KLHDC8A: variants seen among roughly 807,000 people sequenced by gnomAD.
KLHDC8A encodes the protein kelch domain-containing protein 8A.
In KLHDC8A, 21 loss-of-function variants were observed where a neutral mutation model predicts 33.1. The observed-to-expected ratio is 0.64, with a 90% CI of 0.45 to 0.91. The LOEUF (loss-of-function observed/expected upper bound fraction) is 0.91. KLHDC8A is among the 40% of genes least tolerant of loss of function. The pLI is 0.00. For synonymous variants in KLHDC8A, 173 were observed against 193.5 expected, an observed-to-expected ratio of 0.89 and a Z score of 0.88; for missense variants, 435 against 483.3, an observed-to-expected ratio of 0.90 and a Z score of 0.94.
At chr1:205,351,268 G>A (rs1413615781) in intron 1 of KLHDC8A, 3 of 833,332 alleles carry the variant, frequency 3.6e-6, no homozygotes, top group East Asian at 2.4e-5. Flanking sequence ...TCACCCTCCC[G>A]AGCTGAAAAA....
chr1:205,339,800 C>A lies in KLHDC8A; in HGVS notation c.385G>T (p.Val129Leu). The A allele has an allele frequency of 6.2e-7, 1 of 1,613,768 alleles. No individual in the cohort carries two copies. The highest frequency in any genetic ancestry group is 8.5e-7 in the Non-Finnish European group (1 of 1,179,840). Residue 129 changes from valine to leucine, a missense_variant, in exon 3 of 6, where the codon GTA (valine) becomes TTA (leucine). By Grantham distance (32) the Val-to-Leu change is conservative. Transcript: ENST00000367155. The surrounding 1 kb of genome is among the most constrained non-coding windows in gnomAD (Gnocchi z 5.1). Reference protein sequence around the residue: ...GISVTAKDYRVYAAGGMGLDL... With the variant: ...GISVTAKDYRLYAAGGMGLDL... ...AGGCCCATCCCGCCTGCCGCATATA[C>A]TCGGTAATCTAAGAAGAAAGGCCAT...
chr1:205,351,220 G>T (rs1196868274), intron 1 of KLHDC8A: 2 of 791,234 alleles, frequency 2.5e-6, no homozygotes, highest in Non-Finnish European at 4.6e-6. Context: ...GCAGGCTTTC[G>T]ATCTGTGAGC....
Position 205,343,317 on chromosome 1 carries a change from G to A in KLHDC8A, c.288C>T (p.Val96=). Residue 96 remains valine (V), a synonymous_variant, in exon 2 of 6, where the codon GTC becomes GTT. Coordinates refer to ENST00000367155, the MANE Select transcript of KLHDC8A (RefSeq NM_018203.3). ...GVGTNQLPLK[V]VEMYNIDEGK... ...CCTCATCGATGTTGTACATCTCCAC[G>A]ACCTTCAGGGGCAGCTGATTGGTGC... 4 of 1,613,636 alleles carry A rather than the reference G, an allele frequency of 2.5e-6. No individual in the cohort carries two copies. The highest frequency in any genetic ancestry group is 2.5e-6 in the Non-Finnish European group (3 of 1,179,954).
In KLHDC8A at chr1:205,339,793, G is replaced by A. The variant is rs746530697; in HGVS notation, c.392C>T (p.Ala131Val). The change falls in exon 3 of 6, where the codon GCG (alanine) becomes GTG (valine). Residue 131 changes from alanine to valine, a missense_variant. Coordinates refer to ENST00000367155, the MANE Select transcript of KLHDC8A (RefSeq NM_018203.3). This position sits in a 1 kb window ranked among gnomAD's most constrained non-coding sequence, Gnocchi z 5.1. ...TAGGTCCAGGCCCATCCCGCCTGCC[G>A]CATATACTCGGTAATCTAAGAAGAA... ...SVTAKDYRVY[A>V]AGGMGLDLRP... 20 of 1,613,664 alleles carry A rather than the reference G, an allele frequency of 1.2e-5. No homozygotes were observed. Among genetic ancestry groups the A allele is most frequent in the Admixed American group, 8.3e-5 (5 of 59,970 alleles).
At position 205,336,226 on chromosome 1, in the gene KLHDC8A, G is replaced by A. The variant is rs564410277; in HGVS notation, c.*1173C>T. 1 of 152,314 alleles carries A rather than the reference G, an allele frequency of 6.6e-6. No individual in the cohort carries two copies. The highest frequency in any genetic ancestry group is 2.1e-4 in the South Asian group (1 of 4,820). The allele number at this position is 152,314 out of a possible 1,614,324, so 9.4% of individuals were successfully genotyped here. On this transcript the variant is annotated 3_prime_UTR_variant, in exon 6 of 6. Transcript: ENST00000367155. ...TTGGATAGGACAAAAATGAGCTTTGGCTGAATGAACTGAGACTAGACATAA... is the reference window on the plus strand; with the variant it reads ...TTGGATAGGACAAAAATGAGCTTTGACTGAATGAACTGAGACTAGACATAA...
Position 205,342,340 on chromosome 1 carries a change from G to A in KLHDC8A, c.376+889C>T, listed in dbSNP as rs112845631. 3.9e-3 allele frequency among the ~76,000 whole-genome samples: 599 copies of A among 152,260 alleles called. 1 individual carries two copies. The highest frequency in any genetic ancestry group is 0.014 in the African/African-American group (564 of 41,536). ...TCCAGGCCTTCCATCCTTCTTACTG[G>A]GAGGTCACAGAAGCCCCACTGGCCA... On this transcript the variant is annotated intron_variant, in intron 2 of 5. Transcript: ENST00000367155.
rs933086759 is a variant in KLHDC8A at position 205,342,997 on chromosome 1, G to T, written c.376+232C>A. 2.6e-5 allele frequency among the ~76,000 whole-genome samples: 4 copies of T among 152,168 alleles called. No individual in the cohort carries two copies. In the South Asian group the frequency reaches 8.3e-4, roughly 32 times the overall value. ...ACGCTACAAGGATGGAGTGAGCATT[G>T]TCAGGACCCCAAATAGGTGTCTGGG... On this transcript the variant is annotated intron_variant, in intron 2 of 5. Transcript: ENST00000367155.
At position 205,343,309 on chromosome 1, in the gene KLHDC8A, A is replaced by G. The variant is rs1662841210; in HGVS notation, c.296T>C (p.Met99Thr). Residue 99 changes from methionine to threonine, a missense_variant, in exon 2 of 6, where the codon ATG becomes ACG. By Grantham distance (81) the Met-to-Thr change is moderately conservative. Coordinates refer to ENST00000367155, the MANE Select transcript of KLHDC8A (RefSeq NM_018203.3). ...CCACTTGCCCTCATCGATGTTGTAC[A>G]TCTCCACGACCTTCAGGGGCAGCTG... ...TNQLPLKVVE[M>T]YNIDEGKWKK... 2 of 1,613,376 alleles carry G rather than the reference A, an allele frequency of 1.2e-6. No homozygotes were observed. Among genetic ancestry groups the G allele is most frequent in the Non-Finnish European group, 1.7e-6 (2 of 1,179,914 alleles).
In KLHDC8A at chr1:205,344,081, T is replaced by G. The variant is rs1574910105; in HGVS notation, c.-189-288A>C. 5 of 152,080 alleles carry G rather than the reference T, an allele frequency of 3.3e-5. No homozygotes were observed. In the East Asian group the frequency reaches 7.8e-4, roughly 24 times the overall value. 9.4% of individuals were successfully genotyped at this position (152,080 alleles called of 1,614,324 possible). A position where few individuals can be genotyped will look rare whatever the true frequency, so the allele number is the denominator to read the frequency against. The stretch of plus-strand genomic sequence containing the variant: ...CGTCTCTCGGCGTCGACGCCTCTCT[T>G]TCCCCGCGCCCCCTCCCCGCAGTCT... On this transcript the variant is annotated intron_variant, in intron 1 of 5. Coordinates refer to ENST00000367155, the MANE Select transcript of KLHDC8A (RefSeq NM_018203.3).
chr1:205,345,663 C>T (rs1662927416), intron 1 of KLHDC8A, among the ~76,000 whole-genome samples: 1 of 152,110 alleles, frequency 6.6e-6, no homozygotes, highest in Non-Finnish European at 1.5e-5. Context: ...TTCACCTGAG[C>T]CTGGGAGGCG....
intron 1 of KLHDC8A, chr1:205,344,402 G>A (rs1242454654): frequency 6.6e-6 from 1 of 152,370 alleles, no homozygotes; most frequent in African/African-American, 2.4e-5. Context: ...TGCGTCCCGG[G>A]ACACAGCGTG....
intron 1 of KLHDC8A, among the ~76,000 whole-genome samples, chr1:205,355,964 T>C (rs1663255827): frequency 6.6e-6 from 1 of 152,226 alleles, no homozygotes; most frequent in Non-Finnish European, 1.5e-5. Flanking sequence ...CCCAGGGGCA[T>C]GTGCGCAGGT....
intron 1 of KLHDC8A, among the ~76,000 whole-genome samples, chr1:205,350,933 C>T (rs1663085437): frequency 1.3e-5 from 2 of 152,176 alleles, no homozygotes; most frequent in South Asian, 4.1e-4. Context: ...GGCCACAGAC[C>T]CACAGTCCAG....
chr1:205,349,263 T>C (rs1266374568), intron 1 of KLHDC8A, among the ~76,000 whole-genome samples: 1 of 152,186 alleles, frequency 6.6e-6, no homozygotes, highest in African/African-American at 2.4e-5. Context: ...TTATTCAGGT[T>C]CCCTTCCTGA....
At chr1:205,352,675 C>T (rs770971768) in intron 1 of KLHDC8A, among the ~76,000 whole-genome samples, 1 of 152,206 alleles carries the variant, frequency 6.6e-6, no homozygotes, top group African/African-American at 2.4e-5. Flanking sequence ...GAGAACCAGG[C>T]CAAGCTTTGG....
chr1:205,338,067 A>T (rs1574904819), intron 5 of KLHDC8A, among the ~76,000 whole-genome samples: 1 of 152,332 alleles, frequency 6.6e-6, no homozygotes, highest in East Asian at 1.9e-4. Flanking sequence ...CAGAGTTAAT[A>T]CATCAAACCC....
At chr1:205,348,056 T>C (rs1662994147) in intron 1 of KLHDC8A, among the ~76,000 whole-genome samples, 1 of 152,142 alleles carries the variant, frequency 6.6e-6, no homozygotes, top group African/African-American at 2.4e-5. Context: ...CAGTAAGTCT[T>C]GGATTTGTTA....
At chr1:205,345,606 T>G (rs73085174) in intron 1 of KLHDC8A, among the ~76,000 whole-genome samples, 8,821 of 151,178 alleles carry the variant, frequency 0.058, 828 homozygotes, top group African/African-American at 0.2. Context: ...CCAGGCATGG[T>G]GGCATGCACC....
At chr1:205,352,940 A>G (rs1663158495) in intron 1 of KLHDC8A, among the ~76,000 whole-genome samples, 1 of 152,174 alleles carries the variant, frequency 6.6e-6, no homozygotes, top group African/African-American at 2.4e-5. Flanking sequence ...TTTTATTCAC[A>G]CCCAGACCTA....
Sources: allele counts gnomAD v4.1 joint callset (sites outside exome capture counted in the v4.1 genomes callset), GRCh38; gene constraint gnomAD v4.1.1; non-coding constraint Gnocchi (gnomAD v3.1); transcripts MANE v1.5; gene names NCBI Gene and HGNC (gene_info 2026-07-23, HGNC 2026-07-21).